The following SLC25A20 variants were observed in gnomAD, a reference collection of about 807,000 sequenced individuals.
The protein encoded by SLC25A20 is mitochondrial carnitine/acylcarnitine carrier protein.
SLC25A20 carries 29 observed loss-of-function variants against 39.7 expected under a neutral mutation model. The observed-to-expected ratio is 0.73, with a 90% CI of 0.54 to 1.00. The LOEUF (loss-of-function observed/expected upper bound fraction) is 1.00. Among genes scored for constraint, SLC25A20 ranks in the 50% least tolerant of loss-of-function variants. The probability of loss-of-function intolerance (pLI) is 0.00; values close to 1 mark genes in which losing one functional copy is unlikely to be tolerated. For synonymous variants in SLC25A20, 103 were observed against 142.2 expected (o/e 0.72, Z 1.96); for missense variants, 333 against 379.9 (o/e 0.88, Z 1.03).
At chr3:48,859,844 A>G (rs1300924123) in intron 5 of SLC25A20, among the ~76,000 whole-genome samples, 1 of 152,162 alleles carries the variant, frequency 6.6e-6, no homozygotes, top group Non-Finnish European at 1.5e-5. Context: ...AGCGTATGGT[A>G]GTAATTTATG....
At chr3:48,868,530 C>T (rs557261588) in intron 4 of SLC25A20, among the ~76,000 whole-genome samples, 15 of 152,246 alleles carry the variant, frequency 9.9e-5, no homozygotes, top group East Asian at 3.9e-4. Flanking sequence ...TTTGGACCAA[C>T]GGCAGCAGAG....
chr3:48,883,879 C>T, intron 3 of SLC25A20, 118 bp downstream of exon 3: 1 of 1,276,722 alleles, frequency 7.8e-7, no homozygotes, highest in Non-Finnish European at 1.1e-6. Context: ...CCGCCTCAGT[C>T]TCCCAAAGTG....
chr3:48,858,595 A>G lies in SLC25A20; in HGVS notation c.755T>C (p.Val252Ala), dbSNP rs2083598847. 1 of 1,614,092 alleles carries G rather than the reference A, an allele frequency of 6.2e-7. No homozygotes were observed. The highest frequency in any genetic ancestry group is 8.5e-7 in the Non-Finnish European group (1 of 1,180,046). Residue 252 changes from valine to alanine, a missense_variant, in exon 8 of 9, where the codon GTG becomes GCG. Coordinates refer to ENST00000319017, the MANE Select transcript of SLC25A20 (RefSeq NM_000387.6). ...TTCATCCCGGATCAGCTCCCTCAGC[A>G]CATCTCTGAAACCATTAGGATATTT... ...PGKYPNGFRD[V>A]LRELIRDEGV...
intron 4 of SLC25A20, among the ~76,000 whole-genome samples, chr3:48,877,875 A>G (rs1315214158): frequency 6.6e-6 from 1 of 152,212 alleles, no homozygotes; most frequent in Non-Finnish European, 1.5e-5. Context: ...AAGGGTGGGT[A>G]GGCCCAGGCT....
Position 48,896,140 on chromosome 3 carries a change from CAA to C in SLC25A20, c.105+2548_105+2549del, listed in dbSNP as rs1220224923. Among the ~76,000 whole-genome samples the C allele has an allele frequency of 1.2e-3, 82 of 69,700 alleles. 1 individual carries two copies. The highest frequency in any genetic ancestry group is 7.2e-3 in the Admixed American group (44 of 6,110). The allele number at this position is 69,700 out of a possible 152,430, so 45.7% of individuals were successfully genotyped here. A position where few individuals can be genotyped will look rare whatever the true frequency, so the allele number is the denominator to read the frequency against. On this transcript the variant is annotated intron_variant, in intron 1 of 8. Transcript: ENST00000319017. ...GGGTGACAGAGGGAGAGTCTTGTCT[CAA>C]AAAAAAAAAAAAAAAAAATTCTGAC...
chr3:48,880,322 C>T (rs1207912633), intron 3 of SLC25A20, among the ~76,000 whole-genome samples: 1 of 151,858 alleles, frequency 6.6e-6, no homozygotes, highest in Admixed American at 6.6e-5. Context: ...CTCACTCTGT[C>T]CCCAGGCTGG....
chr3:48,867,212 G>A (rs2083677619), intron 4 of SLC25A20, among the ~76,000 whole-genome samples: 1 of 151,866 alleles, frequency 6.6e-6, no homozygotes, highest in Non-Finnish European at 1.5e-5. Flanking sequence ...AAAGTGCTGA[G>A]ATTATAGGTG....
chr3:48,888,831 A>G (rs1218126641), intron 2 of SLC25A20, among the ~76,000 whole-genome samples: 4 of 152,072 alleles, frequency 2.6e-5, no homozygotes, highest in Non-Finnish European at 5.9e-5. Context: ...TCATGCCTGT[A>G]ATCCCAGCAC....
At chr3:48,864,973 T>C (rs779907138) in intron 4 of SLC25A20, among the ~76,000 whole-genome samples, 8 of 152,142 alleles carry the variant, frequency 5.3e-5, no homozygotes, top group Non-Finnish European at 1.0e-4. Flanking sequence ...AAGGATGCTA[T>C]TGTTACCAAC....
At chr3:48,865,425 G>C (rs1388809892) in intron 4 of SLC25A20, among the ~76,000 whole-genome samples, 1 of 151,582 alleles carries the variant, frequency 6.6e-6, no homozygotes, top group Non-Finnish European at 1.5e-5. Context: ...AGCGCCCACA[G>C]AGATATAAAT....
chr3:48,874,346 A>G (rs1342967428), intron 4 of SLC25A20, among the ~76,000 whole-genome samples: 1 of 151,984 alleles, frequency 6.6e-6, no homozygotes, highest in Non-Finnish European at 1.5e-5. Context: ...CACACCTGTC[A>G]TCCCAGCTAC....
intron 4 of SLC25A20, among the ~76,000 whole-genome samples, chr3:48,870,296 G>A (rs2083703882): frequency 6.6e-6 from 1 of 152,154 alleles, no homozygotes; most frequent in Non-Finnish European, 1.5e-5. Flanking sequence ...AGCTACGCGG[G>A]AGGATGAGGC....
intron 2 of SLC25A20, among the ~76,000 whole-genome samples, chr3:48,889,763 T>C (rs2083859709): frequency 6.6e-6 from 1 of 152,190 alleles, no homozygotes; most frequent in Non-Finnish European, 1.5e-5. Context: ...AAATTAGATA[T>C]AGAGATGATC....
intron 4 of SLC25A20, among the ~76,000 whole-genome samples, chr3:48,865,146 T>C (rs957696684): frequency 4.0e-5 from 6 of 151,596 alleles, no homozygotes; most frequent in Non-Finnish European, 8.8e-5. Context: ...TTTTTTTTTT[T>C]GAGACGGAGT....
intron 2 of SLC25A20, among the ~76,000 whole-genome samples, chr3:48,886,781 G>A (rs965601549): frequency 1.1e-4 from 16 of 152,218 alleles, no homozygotes; most frequent in African/African-American, 3.6e-4. Flanking sequence ...AGGAGTTCAA[G>A]ACCAGCCTGG....
intron 2 of SLC25A20, among the ~76,000 whole-genome samples, chr3:48,891,500 T>C (rs1449099396): frequency 6.6e-6 from 1 of 152,148 alleles, no homozygotes; most frequent in Non-Finnish European, 1.5e-5. Flanking sequence ...CCTGAGTGGC[T>C]GGGACTACAG....
At chr3:48,892,930 C>T (rs945810721) in intron 1 of SLC25A20, among the ~76,000 whole-genome samples, 12 of 152,148 alleles carry the variant, frequency 7.9e-5, no homozygotes, top group Non-Finnish European at 8.8e-5. Context: ...AACTGCCAGA[C>T]TGTTTTGCAA....
intron 5 of SLC25A20, among the ~76,000 whole-genome samples, chr3:48,860,320 A>G (rs530884992): frequency 6.7e-6 from 1 of 149,852 alleles, no homozygotes; most frequent in East Asian, 2.0e-4. Context: ...AAAAAATACA[A>G]AAATACAAAA....
At chr3:48,879,654 T>C (rs2083785060) in intron 3 of SLC25A20, among the ~76,000 whole-genome samples, 1 of 152,196 alleles carries the variant, frequency 6.6e-6, no homozygotes, top group African/African-American at 2.4e-5. Context: ...AGGGTCTCAG[T>C]GGCAAGAGCA....
Sources: allele counts gnomAD v4.1 joint callset (sites outside exome capture counted in the v4.1 genomes callset), GRCh38; gene constraint gnomAD v4.1.1; transcripts MANE v1.5; gene names NCBI Gene and HGNC (gene_info 2026-07-23, HGNC 2026-07-21).